Variants in ZNF709 observed in about 807,000 individuals in gnomAD.
ZNF709 encodes the protein zinc finger protein 709.
ZNF709 carries 15 observed loss-of-function variants against 10.6 expected under a neutral mutation model. That is an observed-to-expected ratio of 1.41 (90% CI 0.95 to 2.18). The LOEUF (loss-of-function observed/expected upper bound fraction) is 2.18, where lower values mean the gene tolerates loss of function less well. ZNF709 is among the 30% of genes most tolerant of loss of function. ZNF709 has a pLI of 0.00. For missense variants in ZNF709, 589 were observed against 774.0 expected (o/e 0.76, Z 2.84); for synonymous variants, 194 against 238.8 (o/e 0.81, Z 1.73).
In ZNF709 at chr19:12,465,394, A is replaced by G. The variant is rs756089020; in HGVS notation, c.528T>C (p.Ala176=). 1 of 1,611,628 alleles carries G rather than the reference A, an allele frequency of 6.2e-7. No homozygotes were observed. Among genetic ancestry groups the G allele is most frequent in the African/African-American group, 1.3e-5 (1 of 74,754 alleles). ...KPYKCKQCGK[A]FSWPSSFQIH... Reference sequence around the variant, plus strand: ...TTTGAAAGGAACTGGGCCAACTGAAAGCCTTACCACACTGTTTACATTTAT... The same window carrying G: ...TTTGAAAGGAACTGGGCCAACTGAAGGCCTTACCACACTGTTTACATTTAT... The change falls in exon 4 of 4, where the codon GCT becomes GCC. Residue 176 remains alanine (A), a synonymous_variant. Coordinates refer to ENST00000397732, the MANE Select transcript of ZNF709 (RefSeq NM_152601.4).
In ZNF709 at chr19:12,461,517, C is replaced by CGG. The variant is rs1970514966; in HGVS notation, c.*2478_*2479insCC. On this transcript the variant is annotated 3_prime_UTR_variant, in exon 4 of 4. Coordinates refer to ENST00000397732, the MANE Select transcript of ZNF709 (RefSeq NM_152601.4). ...CATGTAGTTCTTTTTGACTGCACCACTGTAGTTGTCACGGTGGAATCAGAA... is the reference window on the plus strand; with the variant it reads ...CATGTAGTTCTTTTTGACTGCACCACGGTGTAGTTGTCACGGTGGAATCAGAA... 6.6e-6 allele frequency: 1 copy of CGG among 152,104 alleles called. No homozygotes were observed. The highest frequency in any genetic ancestry group is 1.9e-4 in the East Asian group (1 of 5,188). The allele number at this position is 152,104 out of a possible 1,614,324, so 9.4% of individuals were successfully genotyped here.
chr19:12,471,614 A>G (rs555870838), intron 1 of ZNF709, among the ~76,000 whole-genome samples: 1 of 152,322 alleles, frequency 6.6e-6, no homozygotes, highest in East Asian at 1.9e-4. Flanking sequence ...AGAGAGCTAA[A>G]TAGAACAAGG....
At chr19:12,477,270 A>AAG (rs1461855725) in intron 1 of ZNF709, among the ~76,000 whole-genome samples, 29 of 152,206 alleles carry the variant, frequency 1.9e-4, no homozygotes, top group Non-Finnish European at 8.8e-5. Context: ...GTTTTACATA[A>AAG]TACTTTTCAA....
Position 12,463,984 on chromosome 19 carries a change from A to T in ZNF709, c.*12T>A, listed in dbSNP as rs778561428. The T allele has an allele frequency of 7.0e-7, 1 of 1,427,040 alleles. No individual in the cohort carries two copies. The highest frequency in any genetic ancestry group is 1.9e-5 in the South Asian group (1 of 52,380). 88.4% of individuals were successfully genotyped at this position (1,427,040 alleles called of 1,614,324 possible). ...AACTGAAAACTTTGCCATATTGCTT[A>T]TATACATAGGGTTACTCTCCACTAT... On this transcript the variant is annotated 3_prime_UTR_variant, in exon 4 of 4. Coordinates refer to ENST00000397732, the MANE Select transcript of ZNF709 (RefSeq NM_152601.4).
rs891253854 is a variant in ZNF709, at chr19:12,462,162, G to A, written c.*1834C>T. The A allele has an allele frequency of 1.6e-4, 25 of 152,292 alleles. No individual in the cohort carries two copies. The highest frequency in any genetic ancestry group is 1.3e-3 in the Admixed American group (20 of 15,294). The allele number at this position is 152,292 out of a possible 1,614,324, so 9.4% of individuals were successfully genotyped here. On this transcript the variant is annotated 3_prime_UTR_variant, in exon 4 of 4. Transcript: ENST00000397732. ...ATATGGCAGTCAAGCAGTTAGTGGT[G>A]GTTCTAAGAATACTCTCAATTGGCA...
At chr19:12,477,971 C>A (rs1270181920) in intron 1 of ZNF709, among the ~76,000 whole-genome samples, 1 of 152,134 alleles carries the variant, frequency 6.6e-6, no homozygotes, top group African/African-American at 2.4e-5. Flanking sequence ...GTTTAAGCAC[C>A]TGGGCCTTAA....
chr19:12,472,294 G>T (rs1267927179), intron 1 of ZNF709, among the ~76,000 whole-genome samples: 1 of 150,246 alleles, frequency 6.7e-6, no homozygotes, highest in East Asian at 2.0e-4. Context: ...GGCCAAGGCG[G>T]GTGGATCACC....
intron 1 of ZNF709, among the ~76,000 whole-genome samples, chr19:12,482,233 TCA>T: frequency 6.6e-6 from 1 of 151,358 alleles, no homozygotes; most frequent in South Asian, 2.1e-4. Context: ...TCAAGTCAGC[TCA>T]GACTAGCAGA....
chr19:12,466,735 A>G lies in ZNF709; in HGVS notation c.119T>C (p.Leu40Ser). The change falls in exon 2 of 4, where the codon TTG (leucine) becomes TCG (serine). Residue 40 changes from leucine (L) to serine (S), a missense_variant. Transcript: ENST00000397732. ...RDVMQETFVN[L>S]ASIGENWEEK... ...AATTTCATTCTTACCTATAGAGGCC[A>G]AGTTAACAAAGGTTTCTTGCATCAC... is the stretch of plus-strand genomic sequence containing the variant. 1 of 1,614,066 alleles carries G rather than the reference A, an allele frequency of 6.2e-7. No homozygotes were observed. Among genetic ancestry groups the G allele is most frequent in the Non-Finnish European group, 8.5e-7 (1 of 1,179,972 alleles).
chr19:12,465,750 A>G lies in ZNF709; in HGVS notation c.189-17T>C. On this transcript the variant is annotated splice_polypyrimidine_tract_variant and intron_variant, in intron 3 of 3. Transcript: ENST00000397732. ...ATATGACTTCTGTGAGAAAAAAACAAAACAAAACGCACAATTAGTGGCTTT... is the reference window on the plus strand; with the variant it reads ...ATATGACTTCTGTGAGAAAAAAACAGAACAAAACGCACAATTAGTGGCTTT... The G allele has an allele frequency of 6.8e-7, 1 of 1,477,154 alleles. No individual in the cohort carries two copies. Among genetic ancestry groups the G allele is most frequent in the Non-Finnish European group, 8.9e-7 (1 of 1,118,980 alleles). The allele number at this position is 1,477,154 out of a possible 1,614,324, so 91.5% of individuals were successfully genotyped here.
intron 1 of ZNF709, among the ~76,000 whole-genome samples, chr19:12,480,049 T>A (rs978967106): frequency 9.9e-5 from 15 of 152,074 alleles, no homozygotes; most frequent in Non-Finnish European, 2.9e-5. Flanking sequence ...CTCATGTCTG[T>A]AATTCTAGTT....
intron 1 of ZNF709, among the ~76,000 whole-genome samples, chr19:12,473,269 TC>T (rs1970649944): frequency 6.6e-6 from 1 of 152,058 alleles, no homozygotes; most frequent in Non-Finnish European, 1.5e-5. Flanking sequence ...AAAATTGGAT[TC>T]CCCCAGCCTG....
At chr19:12,469,205 A>G (rs1483367550) in intron 1 of ZNF709, among the ~76,000 whole-genome samples, 3 of 152,158 alleles carry the variant, frequency 2.0e-5, no homozygotes, top group Non-Finnish European at 4.4e-5. Context: ...TCCCATGATT[A>G]CACTGAAAAG....
rs139438811 is a variant in ZNF709 at position 12,463,747 on chromosome 19, C to T, written c.*249G>A. 2.5e-3 allele frequency: 712 copies of T among 289,236 alleles called. 3 individuals are homozygous for T. The highest frequency in any genetic ancestry group is 0.013 in the African/African-American group (620 of 46,078). 17.9% of individuals were successfully genotyped at this position (289,236 alleles called of 1,614,324 possible). A position where few individuals can be genotyped will look rare whatever the true frequency, so the allele number is the denominator to read the frequency against. On this transcript the variant is annotated 3_prime_UTR_variant, in exon 4 of 4. Transcript: ENST00000397732. ...TTCGAGACCAGCCTGGCCAACATGG[C>T]GAAACCCCATCTCTACTAAAAATAC...
chr19:12,470,377 C>T (rs8112404), intron 1 of ZNF709, among the ~76,000 whole-genome samples: 1 of 152,056 alleles, frequency 6.6e-6, no homozygotes, highest in African/African-American at 2.4e-5. Context: ...GAGCTGATCA[C>T]GTAAGTTCTA....
chr19:12,473,228 C>G (rs1970649388), intron 1 of ZNF709, among the ~76,000 whole-genome samples: 1 of 152,136 alleles, frequency 6.6e-6, no homozygotes, highest in African/African-American at 2.4e-5. Context: ...CTGGAAAAAG[C>G]CCAAACACCA....
chr19:12,476,941 C>T (rs1970682233), intron 1 of ZNF709, among the ~76,000 whole-genome samples: 1 of 151,976 alleles, frequency 6.6e-6, no homozygotes, highest in Non-Finnish European at 1.5e-5. Flanking sequence ...AATATCATAC[C>T]TGTGTTCTAG....
In ZNF709 at chr19:12,482,144, CACACACACACAA is replaced by C. The variant is rs1443210755; in HGVS notation, c.3+2499_3+2510del. Among the ~76,000 whole-genome samples, 340 of 140,342 alleles carry C rather than the reference CACACACACACAA, an allele frequency of 2.4e-3. 2 individuals carry two copies. Among genetic ancestry groups the C allele is most frequent in the African/African-American group, 7.7e-3 (286 of 37,222 alleles). 92.1% of individuals were successfully genotyped at this position (140,342 alleles called of 152,430 possible). A position where few individuals can be genotyped will look rare whatever the true frequency, so the allele number is the denominator to read the frequency against. Reference sequence around the variant, plus strand: ...TGAGAACCCACCTCTAAAATACACACACACACACACAAACACACACACACACACACACACACA... The same window carrying C: ...TGAGAACCCACCTCTAAAATACACACACACACACACACACACACACACACA... On this transcript the variant is annotated intron_variant, in intron 1 of 3. Transcript: ENST00000397732.
intron 1 of ZNF709, among the ~76,000 whole-genome samples, chr19:12,469,862 T>C (rs757688738): frequency 2.0e-5 from 3 of 152,106 alleles, no homozygotes; most frequent in African/African-American, 4.8e-5. Flanking sequence ...GATGATAAGA[T>C]GCCAGAACAG....
Sources: allele counts gnomAD v4.1 joint callset (sites outside exome capture counted in the v4.1 genomes callset), GRCh38; gene constraint gnomAD v4.1.1; transcripts MANE v1.5; gene names NCBI Gene and HGNC (gene_info 2026-07-23, HGNC 2026-07-21).